RGS6: variants seen among roughly 807,000 people sequenced by gnomAD.
RGS6 encodes the protein regulator of G protein signaling 6.
RGS6 carries 30 observed loss-of-function variants against 78.5 expected under a neutral mutation model. The observed-to-expected ratio is 0.38, with a 90% CI of 0.29 to 0.52. The LOEUF (loss-of-function observed/expected upper bound fraction) is 0.52. Ranked by LOEUF, RGS6 falls within the 20% of genes least tolerant of loss-of-function variation. The pLI is 0.85. For missense variants in RGS6, 495 were observed against 609.7 expected (o/e 0.81, Z 1.98); for synonymous variants, 206 against 206.0 (o/e 1.00, Z 0.00).
At chr14:71,967,189 G>GTGTATA (rs1288609367) in intron 2 of RGS6, among the ~76,000 whole-genome samples, 3 of 145,864 alleles carry the variant, frequency 2.1e-5, no homozygotes, top group Non-Finnish European at 3.0e-5. Context: ...TGTGTAAAGA[G>GTGTATA]TATATATATA....
chr14:72,531,431 CAAAAA>C lies in RGS6; in HGVS notation c.1279-4737_1279-4733del, dbSNP rs58751762. On this transcript the variant is annotated intron_variant, in intron 15 of 17. Coordinates refer to ENST00000553525, the MANE Select transcript of RGS6 (RefSeq NM_001204424.2). ...CCTGAGTGACAGCAAGACTTTATCT[CAAAAA>C]AAAAAAAAAAAAAAAAAGAACCAAG... 8.0e-3 allele frequency among the ~76,000 whole-genome samples: 531 copies of C among 66,748 alleles called. 10 individuals are homozygous for C. Among genetic ancestry groups the C allele is most frequent in the Admixed American group, 0.064 (400 of 6,220 alleles). The allele number at this position is 66,748 out of a possible 152,430, so 43.8% of individuals were successfully genotyped here.
chr14:72,560,836 GTGTT>G (rs2097665202), intron 17 of RGS6, among the ~76,000 whole-genome samples: 1 of 142,836 alleles, frequency 7.0e-6, no homozygotes, highest in Non-Finnish European at 1.5e-5. Flanking sequence ...GTGTGTGTGT[GTGTT>G]TAAGATGGGG....
At chr14:72,141,446 C>T (rs1008633150) in intron 2 of RGS6, among the ~76,000 whole-genome samples, 15 of 152,216 alleles carry the variant, frequency 9.9e-5, no homozygotes, top group African/African-American at 3.6e-4. Context: ...AATAGTGCCC[C>T]AGTGGGCACT....
At chr14:72,407,759 A>G (rs2093054638) in intron 3 of RGS6, among the ~76,000 whole-genome samples, 1 of 152,240 alleles carries the variant, frequency 6.6e-6, no homozygotes, top group South Asian at 2.1e-4. Context: ...CAAGGGAAAT[A>G]GCTCATTGCT....
At chr14:72,166,626 T>G (rs942463693) in intron 2 of RGS6, among the ~76,000 whole-genome samples, 9 of 152,146 alleles carry the variant, frequency 5.9e-5, no homozygotes, top group African/African-American at 2.2e-4. Context: ...GTTTGAGAAA[T>G]CTAAGTAAGG....
intron 3 of RGS6, among the ~76,000 whole-genome samples, chr14:72,391,930 A>C (rs1013001977): frequency 6.6e-6 from 1 of 152,134 alleles, no homozygotes; most frequent in African/African-American, 2.4e-5. Flanking sequence ...GAATGAACTC[A>C]TCCTTTTTTA....
intron 17 of RGS6, among the ~76,000 whole-genome samples, chr14:72,549,477 G>C (rs933587838): frequency 6.6e-6 from 1 of 152,162 alleles, no homozygotes; most frequent in African/African-American, 2.4e-5. Context: ...ATCCGGAAAG[G>C]GTGTTTTGTT....
intron 2 of RGS6, among the ~76,000 whole-genome samples, chr14:72,305,109 T>A (rs1264643497): frequency 6.6e-6 from 1 of 152,184 alleles, no homozygotes; most frequent in African/African-American, 2.4e-5. Flanking sequence ...TTTCATATGC[T>A]TACAAGTCAT....
the RGS6 span, among the ~76,000 whole-genome samples, chr14:71,895,491 C>T: frequency 6.6e-6 from 1 of 152,092 alleles, no homozygotes; most frequent in African/African-American, 2.4e-5. Flanking sequence ...CCAGCCTCGA[C>T]TGTATATTTT....
At chr14:72,319,114 T>C (rs919022377) in intron 2 of RGS6, among the ~76,000 whole-genome samples, 6 of 152,028 alleles carry the variant, frequency 3.9e-5, no homozygotes, top group African/African-American at 7.2e-5. Context: ...TACATGACAC[T>C]ACAAAGATAT....
At chr14:72,338,658 A>G (rs761577059) in intron 2 of RGS6, among the ~76,000 whole-genome samples, 8 of 152,212 alleles carry the variant, frequency 5.3e-5, no homozygotes, top group Non-Finnish European at 2.9e-5. Context: ...ATCATATAGG[A>G]ACTCTTACAA....
intron 2 of RGS6, among the ~76,000 whole-genome samples, chr14:72,319,150 G>A (rs868438856): frequency 2.6e-5 from 4 of 152,082 alleles, no homozygotes; most frequent in Admixed American, 1.3e-4. Context: ...GAAAAAACTG[G>A]AAAATAGATG....
chr14:72,009,833 T>C (rs1470394475), intron 2 of RGS6, among the ~76,000 whole-genome samples: 1 of 152,322 alleles, frequency 6.6e-6, no homozygotes, highest in Admixed American at 6.5e-5. Flanking sequence ...TCTTGGAACA[T>C]AGGTGTTAAA....
At chr14:72,556,624 G>GTGTT (rs1555473597) in intron 17 of RGS6, among the ~76,000 whole-genome samples, 8 of 130,136 alleles carry the variant, frequency 6.1e-5, no homozygotes, top group East Asian at 2.6e-4. Flanking sequence ...CAGAGCCTGA[G>GTGTT]TGTTTACACC....
intron 2 of RGS6, among the ~76,000 whole-genome samples, chr14:72,266,728 A>G (rs1024452018): frequency 1.3e-5 from 2 of 152,162 alleles, no homozygotes; most frequent in African/African-American, 4.8e-5. Context: ...AACTAAACTG[A>G]TGGCCTTTTC....
At chr14:72,410,821 A>T (rs1344671323) in intron 3 of RGS6, among the ~76,000 whole-genome samples, 1 of 152,242 alleles carries the variant, frequency 6.6e-6, no homozygotes, top group Non-Finnish European at 1.5e-5. Context: ...TTTATTAAAT[A>T]GGGAATCCTT....
At chr14:71,897,786 TG>T in the RGS6 span, among the ~76,000 whole-genome samples, 1 of 152,168 alleles carries the variant, frequency 6.6e-6, no homozygotes, top group Non-Finnish European at 1.5e-5. Context: ...CCCAAAGTGC[TG>T]GGATTACAGG....
At chr14:72,229,357 G>T (rs1272115398) in intron 2 of RGS6, among the ~76,000 whole-genome samples, 1 of 146,528 alleles carries the variant, frequency 6.8e-6, no homozygotes, top group Non-Finnish European at 1.5e-5. Context: ...TGATCAAGCA[G>T]ATCTTGAACC....
At chr14:72,628,184 G>T in the RGS6 span, among the ~76,000 whole-genome samples, 6 of 152,000 alleles carry the variant, frequency 3.9e-5, no homozygotes, top group Non-Finnish European at 8.8e-5. Context: ...ATCCTCCCCT[G>T]GTTCCTAATC....
Sources: allele counts gnomAD v4.1 joint callset (sites outside exome capture counted in the v4.1 genomes callset), GRCh38; gene constraint gnomAD v4.1.1; transcripts MANE v1.5; gene names NCBI Gene and HGNC (gene_info 2026-07-23, HGNC 2026-07-21).